The following ANGPT2 variants were observed in gnomAD, a reference collection of about 807,000 sequenced individuals.
ANGPT2 encodes angiopoietin-2.
ANGPT2 carries 28 observed loss-of-function variants against 62.9 expected under a neutral mutation model. That is an observed-to-expected ratio of 0.44 (90% confidence interval 0.33 to 0.61). The LOEUF (loss-of-function observed/expected upper bound fraction) is 0.61. Ranked by LOEUF, ANGPT2 falls within the 20% of genes least tolerant of loss-of-function variation. ANGPT2 has a pLI of 0.03. For synonymous variants in ANGPT2, 284 were observed against 207.8 expected (o/e 1.37, Z -3.15); for missense variants, 727 against 594.9 (o/e 1.22, Z -2.31).
intron 3 of ANGPT2, among the ~76,000 whole-genome samples, chr8:6,524,283 T>C (rs1817928129): frequency 6.6e-6 from 1 of 152,234 alleles, no homozygotes; most frequent in African/African-American, 2.4e-5. Flanking sequence ...AGAATTATTT[T>C]CTGTCTACTA....
chr8:6,519,191 C>G (rs1262233784), intron 5 of ANGPT2, among the ~76,000 whole-genome samples: 1 of 152,214 alleles, frequency 6.6e-6, no homozygotes, highest in African/African-American at 2.4e-5. Context: ...CCCAGCGGTT[C>G]TCATGGTGTG....
At chr8:6,543,595 G>A (rs368218586) in intron 1 of ANGPT2, among the ~76,000 whole-genome samples, 4 of 152,172 alleles carry the variant, frequency 2.6e-5, no homozygotes, top group South Asian at 2.1e-4. Context: ...GAAAAGAAAT[G>A]TGTTCTTTCC....
At chr8:6,539,195 T>C (rs1308867567) in intron 1 of ANGPT2, among the ~76,000 whole-genome samples, 1 of 152,030 alleles carries the variant, frequency 6.6e-6, no homozygotes, top group East Asian at 1.9e-4. Flanking sequence ...GCCTGGGGGG[T>C]AGGCACAGTA....
chr8:6,526,257 T>TAAAAAAAAAAA (rs35519559), intron 3 of ANGPT2, among the ~76,000 whole-genome samples: 23 of 77,496 alleles, frequency 3.0e-4, no homozygotes, highest in African/African-American at 9.3e-4. Flanking sequence ...TTGCCTCTAC[T>TAAAAAAAAAAA]AAAAAAAAAA....
Position 6,550,268 on chromosome 8 carries a change from C to T in ANGPT2, c.288+12379G>A, listed in dbSNP as rs536885940. ...CGTCACTGATGCGCAGCTCAGGCAG[C>T]AGCCATGGGGAGGTTGAATCCCCGG... On this transcript the variant is annotated intron_variant, in intron 1 of 8. Transcript: ENST00000629816. Among the ~76,000 whole-genome samples the T allele has an allele frequency of 2.6e-5, 4 of 152,358 alleles. No homozygotes were observed. The East Asian group carries it at 7.7e-4, about 29-fold the overall frequency.
At chr8:6,559,018 A>G (rs1825091925) in intron 1 of ANGPT2, among the ~76,000 whole-genome samples, 2 of 152,154 alleles carry the variant, frequency 1.3e-5, no homozygotes, top group African/African-American at 4.8e-5. Flanking sequence ...CTTACTATAT[A>G]GTAATACTAA....
intron 1 of ANGPT2, among the ~76,000 whole-genome samples, chr8:6,533,195 T>C (rs79895568): frequency 0.01 from 1,548 of 152,354 alleles, 30 homozygotes; most frequent in African/African-American, 0.036. Context: ...GGGCTGGTTC[T>C]TCTCTCCCTC....
chr8:6,500,290 C>G lies in ANGPT2; in HGVS notation c.*2811G>C, dbSNP rs1013501352. ...GAACTGATAGGTATAAAGATTATGG[C>G]TTGCTGGTGCTGTGATAACAGTATT... is the stretch of plus-strand genomic sequence containing the variant. On this transcript the variant is annotated 3_prime_UTR_variant, in exon 9 of 9. Coordinates refer to ENST00000629816, the MANE Select transcript of ANGPT2 (RefSeq NM_001118887.2). 1 of 211,390 alleles carries G rather than the reference C, an allele frequency of 4.7e-6. No homozygotes were observed. Among genetic ancestry groups the G allele is most frequent in the Non-Finnish European group, 9.6e-6 (1 of 103,652 alleles). The allele number at this position is 211,390 out of a possible 1,614,324, so 13.1% of individuals were successfully genotyped here.
In ANGPT2 at chr8:6,502,376, A is replaced by G. The variant is rs1812357257; in HGVS notation, c.*725T>C. The G allele has an allele frequency of 1.3e-5, 2 of 152,234 alleles. No homozygotes were observed. Among genetic ancestry groups the G allele is most frequent in the South Asian group, 4.1e-4 (2 of 4,838 alleles). The allele number at this position is 152,234 out of a possible 1,614,324, so 9.4% of individuals were successfully genotyped here. ...CAGAAAAAAATAGTACGGTCTGCAT[A>G]TAAACTAAAATGGCACGTTTCTGTT... On this transcript the variant is annotated 3_prime_UTR_variant, in exon 9 of 9. Transcript: ENST00000629816.
At chr8:6,509,121 C>T in intron 7 of ANGPT2, 59 bp from the exon 8 acceptor site, 2 of 1,575,066 alleles carry the variant, frequency 1.3e-6, no homozygotes, top group Non-Finnish European at 1.7e-6. Context: ...ACCGTAGTGG[C>T]AAATTTTTTG....
At chr8:6,556,110 A>G (rs1446188172) in intron 1 of ANGPT2, among the ~76,000 whole-genome samples, 1 of 152,132 alleles carries the variant, frequency 6.6e-6, no homozygotes, top group Admixed American at 6.5e-5. Context: ...AGACTAACCA[A>G]GGGTGTCAAC....
intron 1 of ANGPT2, among the ~76,000 whole-genome samples, chr8:6,549,846 T>C (rs1018158544): frequency 6.6e-6 from 1 of 152,192 alleles, no homozygotes; most frequent in Admixed American, 6.5e-5. Context: ...CACTCAAGAT[T>C]TGTGAATTTT....
Position 6,562,855 on chromosome 8 carries a change from T to A in ANGPT2, c.80A>T (p.Asp27Val), listed in dbSNP as rs1825767602. 1 of 1,613,084 alleles carries A rather than the reference T, an allele frequency of 6.2e-7. No individual in the cohort carries two copies. The highest frequency in any genetic ancestry group is 1.7e-5 in the Admixed American group (1 of 59,972). The change falls in exon 1 of 9, where the codon GAC (aspartate) becomes GTC (valine). Residue 27 changes from aspartate (D) to valine (V), a missense_variant. By Grantham distance (152) the Asp-to-Val change is radical. Transcript: ENST00000629816. ...AAYNNFRKSM[D>V]SIGKKQYQVQ... ...CTGATATTGCTTCTTTCCTATGCTG[T>A]CCATGCTCTTCCGAAAGTTGTTATA...
At chr8:6,544,343 T>C (rs1439796473) in intron 1 of ANGPT2, among the ~76,000 whole-genome samples, 1 of 152,118 alleles carries the variant, frequency 6.6e-6, no homozygotes, top group Non-Finnish European at 1.5e-5. Flanking sequence ...CCGTGATGAT[T>C]ATAGTTTGAC....
At chr8:6,541,127 C>T (rs1312353061) in intron 1 of ANGPT2, among the ~76,000 whole-genome samples, 1 of 152,222 alleles carries the variant, frequency 6.6e-6, no homozygotes, top group African/African-American at 2.4e-5. Flanking sequence ...CAAGGCCTGT[C>T]TCTGAGATGT....
chr8:6,516,640 C>A (rs985183332), intron 5 of ANGPT2, among the ~76,000 whole-genome samples: 3 of 152,150 alleles, frequency 2.0e-5, no homozygotes, highest in African/African-American at 4.8e-5. Flanking sequence ...TTTCATAAAC[C>A]AGCTGAATAA....
At chr8:6,559,230 A>AACACACAC (rs59299448) in intron 1 of ANGPT2, among the ~76,000 whole-genome samples, 96,410 of 146,620 alleles carry the variant, frequency 0.66, 35,774 homozygotes, top group Non-Finnish European at 0.84. Context: ...CACACACGAC[A>AACACACAC]ACACACACAC....
At chr8:6,549,529 C>G (rs1430284080) in intron 1 of ANGPT2, among the ~76,000 whole-genome samples, 1 of 151,922 alleles carries the variant, frequency 6.6e-6, no homozygotes, top group African/African-American at 2.4e-5. Flanking sequence ...AGTCATTACA[C>G]AGGTGCGCAC....
intron 7 of ANGPT2, among the ~76,000 whole-genome samples, chr8:6,512,326 C>G (rs1256951050): frequency 6.6e-6 from 1 of 152,144 alleles, no homozygotes; most frequent in Non-Finnish European, 1.5e-5. Context: ...GCAGCCTGCT[C>G]AAGGACTTTA....
Sources: allele counts gnomAD v4.1 joint callset (sites outside exome capture counted in the v4.1 genomes callset), GRCh38; gene constraint gnomAD v4.1.1; transcripts MANE v1.5; gene names NCBI Gene and HGNC (gene_info 2026-07-23, HGNC 2026-07-21).